Variants in RSPH6A observed in about 807,000 individuals in gnomAD.
The protein encoded by RSPH6A is radial spoke head protein 6 homolog A.
A neutral mutation model predicts 66.1 loss-of-function variants in RSPH6A; 49 were observed. That is an observed-to-expected ratio of 0.74 (90% CI 0.59 to 0.94). RSPH6A has a LOEUF of 0.94. Ranked by LOEUF, RSPH6A falls within the 40% of genes least tolerant of loss-of-function variation. RSPH6A has a pLI of 0.00. For synonymous variants in RSPH6A, 419 were observed against 402.4 expected, an observed-to-expected ratio of 1.04 and a Z score of -0.49; for missense variants, 977 against 948.3, an observed-to-expected ratio of 1.03 and a Z score of -0.40.
intron 5 of RSPH6A, among the ~76,000 whole-genome samples, chr19:45,798,099 G>A (rs1027522509): frequency 2.6e-5 from 4 of 152,086 alleles, no homozygotes; most frequent in South Asian, 2.1e-4. Flanking sequence ...GGTGGCCCAC[G>A]CCTGTAATCC....
At chr19:45,805,139 G>A in intron 2 of RSPH6A, 123 bp from the exon 3 acceptor site, 1 of 785,654 alleles carries the variant, frequency 1.3e-6, no homozygotes, top group Non-Finnish European at 2.0e-6. Context: ...GCTCACGCCT[G>A]TAATCCCAGC....
rs1276926830 is a variant in RSPH6A at position 45,804,226 on chromosome 19, T to C, written c.1653+26A>G. ...GTGAGCCCCCTGCTCCTGCCGTTTG[T>C]GAGAGGCGGGAGTCCCGGCGCTCAC... On this transcript the variant is annotated intron_variant, in intron 3 of 5. Transcript: ENST00000221538. The surrounding 1 kb of genome is among the most constrained non-coding windows in gnomAD (Gnocchi z 5.8). The C allele has an allele frequency of 6.3e-7, 1 of 1,575,004 alleles. No homozygotes were observed. The highest frequency in any genetic ancestry group is 8.7e-7 in the Non-Finnish European group (1 of 1,154,686).
chr19:45,804,817 C>G lies in RSPH6A; in HGVS notation c.1088G>C (p.Arg363Pro). Residue 363 changes from arginine (R) to proline (P), a missense_variant, in exon 3 of 6, where the codon CGG (arginine) becomes CCG (proline). Physicochemically the swap from Arg to Pro is moderately radical, Grantham distance 103 (BLOSUM62 -2). Coordinates refer to ENST00000221538, the MANE Select transcript of RSPH6A (RefSeq NM_030785.4). This position sits in a 1 kb window ranked among gnomAD's most constrained non-coding sequence, Gnocchi z 5.8. Reference protein sequence around the residue: ...RSYLVAEVEFREGEEEAEEEE... With the variant: ...RSYLVAEVEFPEGEEEAEEEE... ...CTCCTCTGCCTCCTCCTCGCCCTCC[C>G]GGAATTCCACCTCGGCCACCAGGTA... 1 of 1,614,066 alleles carries G rather than the reference C, an allele frequency of 6.2e-7. No homozygotes were observed. Among genetic ancestry groups the G allele is most frequent in the Non-Finnish European group, 8.5e-7 (1 of 1,180,002 alleles).
intron 1 of RSPH6A, among the ~76,000 whole-genome samples, chr19:45,812,069 C>T (rs1330755401): frequency 6.8e-6 from 1 of 147,622 alleles, no homozygotes. Context: ...GTGTGAACCA[C>T]CGTGCCTGGC....
rs1370438606 is a variant in RSPH6A, at chr19:45,810,673, TCCG to T, written c.815_817del (p.Ala272del). On this transcript the variant is annotated inframe_deletion, in exon 2 of 6. Coordinates refer to ENST00000221538, the MANE Select transcript of RSPH6A (RefSeq NM_030785.4). ...CCGGGTGAACAGCGCCTTCTGTTTC[TCCG>T]CCATCTTGTAGGTGGGCTGCATCTC... 4 of 1,613,624 alleles carry T rather than the reference TCCG, an allele frequency of 2.5e-6. No individual in the cohort carries two copies. The African/African-American group carries it at 5.4e-5, about 22-fold the overall frequency.
At chr19:45,798,539 C>T (rs866045805) in intron 5 of RSPH6A, among the ~76,000 whole-genome samples, 1 of 100,248 alleles carries the variant, frequency 1.0e-5, no homozygotes, top group South Asian at 3.5e-4. Flanking sequence ...GACCCTATCT[C>T]AAAAAAAAAA....
In RSPH6A at chr19:45,797,874, TA is replaced by T. The variant is rs959579171; in HGVS notation, c.1917-1769del. Among the ~76,000 whole-genome samples, 11 of 146,170 alleles carry T rather than the reference TA, an allele frequency of 7.5e-5. No individual in the cohort carries two copies. In the East Asian group the frequency reaches 1.0e-3, roughly 13 times the overall value. ...CACAGCGAGACTCCATTTCAAAAAATAAAAAAAAAATCCCTGGGTTGTGCCT... is the reference window on the plus strand; with the variant it reads ...CACAGCGAGACTCCATTTCAAAAAATAAAAAAAAATCCCTGGGTTGTGCCT... On this transcript the variant is annotated intron_variant, in intron 5 of 5. Transcript: ENST00000221538.
At chr19:45,805,766 G>T (rs2146285990) in intron 2 of RSPH6A, among the ~76,000 whole-genome samples, 1 of 152,314 alleles carries the variant, frequency 6.6e-6, no homozygotes, top group African/African-American at 2.4e-5. Context: ...ACTTGTGCTG[G>T]CCAGTGAGAT....
In RSPH6A at chr19:45,815,264, G is replaced by T; in HGVS notation, c.-88C>A. 7.3e-7 allele frequency: 1 copy of T among 1,368,034 alleles called. No homozygotes were observed. Among genetic ancestry groups the T allele is most frequent in the Non-Finnish European group, 9.7e-7 (1 of 1,032,998 alleles). 84.7% of individuals were successfully genotyped at this position (1,368,034 alleles called of 1,614,324 possible). On this transcript the variant is annotated 5_prime_UTR_variant, in exon 1 of 6. Transcript: ENST00000221538. ...CCACCTGTCGACACCGCCGGTTTCT[G>T]AGCACCGAGAGAGGGGGCCGTTACC...
intron 5 of RSPH6A, among the ~76,000 whole-genome samples, chr19:45,796,482 G>GC (rs1970410031): frequency 6.6e-6 from 1 of 151,894 alleles, no homozygotes; most frequent in Non-Finnish European, 1.5e-5. Context: ...GTAGGACCCA[G>GC]CATGTGCATA....
chr19:45,812,079 C>T (rs960643958), intron 1 of RSPH6A, among the ~76,000 whole-genome samples: 13 of 136,786 alleles, frequency 9.5e-5, no homozygotes, highest in Admixed American at 9.2e-4. Context: ...CCGTGCCTGG[C>T]CAACATTTGT....
rs775990313 is a variant in RSPH6A at position 45,804,098 on chromosome 19, C to T, written c.1653+154G>A. On this transcript the variant is annotated intron_variant, in intron 3 of 5. Coordinates refer to ENST00000221538, the MANE Select transcript of RSPH6A (RefSeq NM_030785.4). This position sits in a 1 kb window ranked among gnomAD's most constrained non-coding sequence, Gnocchi z 5.8. Reference sequence around the variant, plus strand: ...CCCAAAGGTTTCTGATGGGATTATCCGCTAATATCTGTTGAACCAATGAAT... The same window carrying T: ...CCCAAAGGTTTCTGATGGGATTATCTGCTAATATCTGTTGAACCAATGAAT... Among the ~76,000 whole-genome samples the T allele has an allele frequency of 6.6e-6, 1 of 151,916 alleles. No homozygotes were observed. The highest frequency in any genetic ancestry group is 2.4e-5 in the African/African-American group (1 of 41,358).
At position 45,810,636 on chromosome 19, in the gene RSPH6A, G is replaced by A; in HGVS notation, c.855C>T (p.Gly285=). ...QKALFTRSGG[G]TEGEQEMEEE... is the part of the protein sequence containing the mutation. ...CCTCCATCTCCTGTTCGCCTTCAGT[G>A]CCGCCTCCACTCCGGGTGAACAGCG... Residue 285 remains glycine, a synonymous_variant, in exon 2 of 6, where the codon GGC becomes GGT. Transcript: ENST00000221538. 6.2e-7 allele frequency: 1 copy of A among 1,613,862 alleles called. No individual in the cohort carries two copies. The highest frequency in any genetic ancestry group is 8.5e-7 in the Non-Finnish European group (1 of 1,180,006).
chr19:45,800,668 GGCATGAGGGGAACTATA>G, intron 4 of RSPH6A, 105 bp from the exon 5 acceptor site: 1 of 927,990 alleles, frequency 1.1e-6, no homozygotes, highest in Non-Finnish European at 1.6e-6. Context: ...GGCCTGGAGG[GGCATGAGGGGAACTATA>G]GCCACCAACA....
chr19:45,800,757 CA>C (rs1970461697), intron 4 of RSPH6A, among the ~76,000 whole-genome samples, 194 bp from the exon 5 acceptor site: 1 of 118,680 alleles, frequency 8.4e-6, no homozygotes, highest in African/African-American at 3.0e-5. Context: ...CACACACACA[CA>C]CACACACACA....
chr19:45,803,079 G>A (rs898162543), intron 3 of RSPH6A, among the ~76,000 whole-genome samples: 1 of 151,058 alleles, frequency 6.6e-6, no homozygotes, highest in Admixed American at 6.6e-5. Flanking sequence ...CATGGTGGCG[G>A]GCGCCTGTAG....
Position 45,814,750 on chromosome 19 carries a change from C to G in RSPH6A, c.427G>C (p.Val143Leu), listed in dbSNP as rs757110417. Residue 143 changes from valine (V) to leucine (L), a missense_variant, in exon 1 of 6, where the codon GTC (valine) becomes CTC (leucine). Val to Leu is a conservative substitution (Grantham distance 32, BLOSUM62 1). Transcript: ENST00000221538. ...AGGTTGAACTGGCCCAAGGGGTTGA[C>G]TGGGGGCTCCTGGAAGGTGGGGTCC... Reference protein sequence around the residue: ...QLDPTFQEPPVNPLGQFNLYQ... With the variant: ...QLDPTFQEPPLNPLGQFNLYQ... 4.3e-6 allele frequency: 7 copies of G among 1,613,760 alleles called. No homozygotes were observed. In the Admixed American group the frequency reaches 1.2e-4, roughly 27 times the overall value.
At position 45,804,460 on chromosome 19, in the gene RSPH6A, C is replaced by T. The variant is rs139803225; in HGVS notation, c.1445G>A (p.Arg482Gln). 8.7e-6 allele frequency: 14 copies of T among 1,613,978 alleles called. No individual in the cohort carries two copies. Among genetic ancestry groups the T allele is most frequent in the East Asian group, 2.2e-5 (1 of 44,870 alleles). ...GGCCGAGATGCGGGCTATCTGGGCC[C>T]GCAGGTAGTTGGCCTCGTTGCCCGG... ...PFPGNEANYLRAQIARISAAT... is the reference protein window; with the variant it reads ...PFPGNEANYLQAQIARISAAT... The change falls in exon 3 of 6, where the codon CGG becomes CAG. Residue 482 changes from arginine (R) to glutamine (Q), a missense_variant. By Grantham distance (43) the Arg-to-Gln change is conservative. Transcript: ENST00000221538. The surrounding 1 kb of genome is among the most constrained non-coding windows in gnomAD (Gnocchi z 5.8).
intron 2 of RSPH6A, among the ~76,000 whole-genome samples, chr19:45,806,063 C>T (rs1600476440): frequency 2.0e-5 from 3 of 152,196 alleles, no homozygotes; most frequent in Non-Finnish European, 2.9e-5. Flanking sequence ...AACAAAGAAG[C>T]CACTTTTATT....
Sources: gnomAD v4.1 joint callset for allele counts (sites outside exome capture counted in the v4.1 genomes callset) on GRCh38, gnomAD v4.1.1 for gene constraint, Gnocchi (gnomAD v3.1) non-coding constraint, MANE v1.5 for transcripts, NCBI Gene and HGNC (gene_info 2026-07-23, HGNC 2026-07-21) for gene names.